Variants in ZZZ3 observed in about 807,000 individuals in gnomAD.
ZZZ3 encodes zinc finger ZZ-type containing 3.
In ZZZ3, 22 loss-of-function variants were observed where a neutral mutation model predicts 95.2. The ratio of observed to expected loss-of-function variants is 0.23; its 90% CI spans 0.17 to 0.33. ZZZ3 has a LOEUF of 0.33. Ranked by LOEUF, ZZZ3 falls within the 10% of genes least tolerant of loss-of-function variation. The pLI, the probability that ZZZ3 is intolerant of heterozygous loss-of-function variation, is 1.00. For missense variants in ZZZ3, 885 were observed against 1,066.5 expected (o/e 0.83, Z 2.37); for synonymous variants, 335 against 358.9 (o/e 0.93, Z 0.75).
rs78017700 is a variant in ZZZ3, at chr1:77,643,750, G to C, written c.-402-2095C>G. ...AAAGACTACGTAAATCTCACTAGAA[G>C]ATACAGCCCTAGTGATATAACCAGG... On this transcript the variant is annotated intron_variant, in intron 1 of 14. Coordinates refer to ENST00000370801, the MANE Select transcript of ZZZ3 (RefSeq NM_015534.6). Among the ~76,000 whole-genome samples, 536 of 152,304 alleles carry C rather than the reference G, an allele frequency of 3.5e-3. 1 individual carries two copies. The highest frequency in any genetic ancestry group is 0.012 in the African/African-American group (493 of 41,572).
At position 77,647,046 on chromosome 1, in the gene ZZZ3, A is replaced by G. The variant is rs116106745; in HGVS notation, c.-402-5391T>C. Among the ~76,000 whole-genome samples the G allele has an allele frequency of 1.9e-3, 284 of 152,340 alleles. 4 individuals carry two copies. The highest frequency in any genetic ancestry group is 6.5e-3 in the African/African-American group (272 of 41,580). ...AGACATCCATAGGCAAGGGTATGCC[A>G]GAAAACATGTAATAACTGAAGGGTA... is the stretch of plus-strand genomic sequence containing the variant. On this transcript the variant is annotated intron_variant, in intron 1 of 14. Transcript: ENST00000370801.
rs527607870 is a variant in ZZZ3, at chr1:77,653,533, C to T, written c.-402-11878G>A. ...CTTTGTGAGGCTGAGGTGGGTGGAT[C>T]ACCTGAGGTCGGGAGTTCAAGACCA... is the stretch of plus-strand genomic sequence containing the variant. On this transcript the variant is annotated intron_variant, in intron 1 of 14. Coordinates refer to ENST00000370801, the MANE Select transcript of ZZZ3 (RefSeq NM_015534.6). 1.2e-4 allele frequency among the ~76,000 whole-genome samples: 18 copies of T among 152,156 alleles called. No homozygotes were observed. In the South Asian group the frequency reaches 2.7e-3, roughly 23 times the overall value.
At chr1:77,586,808 C>T (rs1663124954) in intron 5 of ZZZ3, among the ~76,000 whole-genome samples, 1 of 152,090 alleles carries the variant, frequency 6.6e-6, no homozygotes, top group Non-Finnish European at 1.5e-5. Context: ...AGACACTGCA[C>T]CAGTAAGATT....
At chr1:77,599,901 T>C (rs1278949088) in intron 5 of ZZZ3, among the ~76,000 whole-genome samples, 4 of 152,286 alleles carry the variant, frequency 2.6e-5, no homozygotes, top group Middle Eastern at 3.4e-3. Context: ...CTTCATTATA[T>C]ATGTTATCTA....
intron 5 of ZZZ3, among the ~76,000 whole-genome samples, chr1:77,589,274 T>C (rs1663416412): frequency 6.6e-6 from 1 of 152,182 alleles, no homozygotes; most frequent in Admixed American, 6.5e-5. Context: ...ATCTAAGTTA[T>C]TTTTACTACT....
rs1456593475 is a variant in ZZZ3, at chr1:77,579,405, A to C, written c.2082+122T>G. The C allele has an allele frequency of 2.7e-5, 18 of 667,014 alleles. No homozygotes were observed. In the East Asian group the frequency reaches 5.1e-4, roughly 19 times the overall value. The allele number at this position is 667,014 out of a possible 1,614,324, so 41.3% of individuals were successfully genotyped here. A position where few individuals can be genotyped will look rare whatever the true frequency, so the allele number is the denominator to read the frequency against. On this transcript the variant is annotated intron_variant, in intron 10 of 14. Coordinates refer to ENST00000370801, the MANE Select transcript of ZZZ3 (RefSeq NM_015534.6). ...TACAATTTTTTTAAAAAAACACCACATACTACAGCACTCTGTAGCTGAAAG... is the reference window on the plus strand; with the variant it reads ...TACAATTTTTTTAAAAAAACACCACCTACTACAGCACTCTGTAGCTGAAAG...
chr1:77,589,412 TTTTATTTATTTATTTA>T lies in ZZZ3; in HGVS notation c.1506-4773_1506-4758del, dbSNP rs71244406. Among the ~76,000 whole-genome samples the T allele has an allele frequency of 1.1e-3, 159 of 144,560 alleles. 1 individual carries two copies. The highest frequency in any genetic ancestry group is 5.7e-3 in the East Asian group (28 of 4,910). The allele number at this position is 144,560 out of a possible 152,430, so 94.8% of individuals were successfully genotyped here. A position where few individuals can be genotyped will look rare whatever the true frequency, so the allele number is the denominator to read the frequency against. On this transcript the variant is annotated intron_variant, in intron 5 of 14. Transcript: ENST00000370801. ...AAGGAATTAGCAATCTGGAGGTTGATTTTATTTATTTATTTATTTATTTATTTATTTATTTATTTAT... is the reference window on the plus strand; with the variant it reads ...AAGGAATTAGCAATCTGGAGGTTGATTTTATTTATTTATTTATTTATTTAT...
upstream of ZZZ3, among the ~76,000 whole-genome samples, chr1:77,683,075 C>A (rs1410759072): frequency 1.7e-4 from 19 of 114,716 alleles, no homozygotes; most frequent in South Asian, 7.4e-4. Flanking sequence ...CGCACCCCCG[C>A]CCCACGTGGG....
At chr1:77,641,137 C>T (rs1668741903) in intron 3 of ZZZ3, 1 of 155,326 alleles carries the variant, frequency 6.4e-6, no homozygotes, top group Admixed American at 6.5e-5. Context: ...AAGCCTTTCA[C>T]AAACATGGCA....
Position 77,565,473 on chromosome 1 carries a change from G to C in ZZZ3, c.*167C>G, listed in dbSNP as rs1660732494. On this transcript the variant is annotated 3_prime_UTR_variant, in exon 15 of 15. Transcript: ENST00000370801. ...TGTTCAGCTGCTGAACAGTGATCTA[G>C]AGCCACAACGGTGCAGAGCTGTACT... 6.4e-6 allele frequency: 4 copies of C among 628,174 alleles called. No individual in the cohort carries two copies. Among genetic ancestry groups the C allele is most frequent in the Non-Finnish European group, 1.0e-5 (4 of 383,564 alleles). The allele number at this position is 628,174 out of a possible 1,614,324, so 38.9% of individuals were successfully genotyped here. A position where few individuals can be genotyped will look rare whatever the true frequency, so the allele number is the denominator to read the frequency against.
chr1:77,618,569 T>A (rs1333024893), intron 5 of ZZZ3, among the ~76,000 whole-genome samples: 2 of 152,160 alleles, frequency 1.3e-5, no homozygotes, highest in African/African-American at 4.8e-5. Flanking sequence ...ACTGACAGGT[T>A]ATAATTTCAT....
At chr1:77,681,038 C>T (rs1023992607) in intron 1 of ZZZ3, among the ~76,000 whole-genome samples, 1 of 152,140 alleles carries the variant, frequency 6.6e-6, no homozygotes, top group African/African-American at 2.4e-5. Context: ...TAAGTCTTGA[C>T]AAACAGGCAT....
upstream of ZZZ3, among the ~76,000 whole-genome samples, chr1:77,683,074 G>A (rs1182513931): frequency 1.2e-4 from 3 of 25,978 alleles, no homozygotes; most frequent in African/African-American, 1.7e-4. Flanking sequence ...GCGCACCCCC[G>A]CCCCACGTGG....
chr1:77,573,539 T>C (rs1391219875), intron 12 of ZZZ3, among the ~76,000 whole-genome samples: 1 of 152,210 alleles, frequency 6.6e-6, no homozygotes, highest in Non-Finnish European at 1.5e-5. Context: ...ACGTATCTAA[T>C]CCCTAGCAAA....
chr1:77,626,519 T>C (rs550808429), intron 5 of ZZZ3, among the ~76,000 whole-genome samples: 2 of 152,154 alleles, frequency 1.3e-5, no homozygotes, highest in Non-Finnish European at 2.9e-5. Context: ...CTCACATGCA[T>C]GGTTCACAAT....
chr1:77,669,040 G>A (rs946155100), intron 1 of ZZZ3, among the ~76,000 whole-genome samples: 4 of 150,018 alleles, frequency 2.7e-5, no homozygotes, highest in Non-Finnish European at 5.9e-5. Context: ...TATGCACAAC[G>A]ATATCCTAAG....
rs1278393123 is a variant in ZZZ3 at position 77,565,799 on chromosome 1, A to G, written c.2568-15T>C. On this transcript the variant is annotated splice_polypyrimidine_tract_variant and intron_variant, in intron 14 of 14. Coordinates refer to ENST00000370801, the MANE Select transcript of ZZZ3 (RefSeq NM_015534.6). Reference sequence around the variant, plus strand: ...TTTCATGTAGACTGTAAAGAAAAAAAGACACACATCATTACATGGTAGTGG... The same window carrying G: ...TTTCATGTAGACTGTAAAGAAAAAAGGACACACATCATTACATGGTAGTGG... The G allele has an allele frequency of 3.1e-6, 5 of 1,606,528 alleles. No individual in the cohort carries two copies. In the Admixed American group the frequency reaches 8.5e-5, roughly 27 times the overall value.
intron 5 of ZZZ3, among the ~76,000 whole-genome samples, chr1:77,630,181 A>C (rs893749919): frequency 6.6e-6 from 1 of 152,178 alleles, no homozygotes; most frequent in African/African-American, 2.4e-5. Context: ...TCTACTTTTA[A>C]AAACTGATAC....
intron 1 of ZZZ3, among the ~76,000 whole-genome samples, chr1:77,673,322 C>T (rs965959869): frequency 2.0e-5 from 3 of 152,076 alleles, no homozygotes; most frequent in African/African-American, 7.2e-5. Flanking sequence ...TACGGCCAGG[C>T]AGGGTGGCTC....
Sources: gnomAD v4.1 joint callset for allele counts (sites outside exome capture counted in the v4.1 genomes callset) on GRCh38, gnomAD v4.1.1 for gene constraint, MANE v1.5 for transcripts, NCBI Gene and HGNC (gene_info 2026-07-23, HGNC 2026-07-21) for gene names.